Variants in SOX5 observed in about 807,000 individuals in gnomAD.
SOX5 encodes SRY-box transcription factor 5.
SOX5 carries 9 observed loss-of-function variants against 92.0 expected under a neutral mutation model. The ratio of observed to expected loss-of-function variants is 0.10; its 90% CI spans 0.06 to 0.17. The LOEUF (loss-of-function observed/expected upper bound fraction) is 0.17. Ranked by LOEUF, SOX5 falls within the 10% of genes least tolerant of loss-of-function variation. The probability of loss-of-function intolerance (pLI) is 1.00; values close to 1 mark genes in which losing one functional copy is unlikely to be tolerated. For synonymous variants in SOX5, 344 were observed against 336.3 expected, an observed-to-expected ratio of 1.02 and a Z score of -0.25; for missense variants, 642 against 944.5, an observed-to-expected ratio of 0.68 and a Z score of 4.20.
chr12:24,035,499 T>TA (rs1224903579), intron 4 of SOX5, among the ~76,000 whole-genome samples: 1 of 151,958 alleles, frequency 6.6e-6, no homozygotes, highest in African/African-American at 2.4e-5. Context: ...AACAAAGAAA[T>TA]ACAGCAATCA....
In SOX5 at chr12:23,530,091, C is replaced by CAACA. The variant is rs1176305608; in HGVS notation, c.*4124_*4127dup. The CAACA allele has an allele frequency of 2.6e-5, 4 of 152,184 alleles. No individual in the cohort carries two copies. Among genetic ancestry groups the CAACA allele is most frequent in the Admixed American group, 2.0e-4 (3 of 15,270 alleles). 9.4% of individuals were successfully genotyped at this position (152,184 alleles called of 1,614,324 possible). A position where few individuals can be genotyped will look rare whatever the true frequency, so the allele number is the denominator to read the frequency against. On this transcript the variant is annotated 3_prime_UTR_variant, in exon 15 of 15. Coordinates refer to ENST00000451604, the MANE Select transcript of SOX5 (RefSeq NM_006940.6). ...AAATACTGTAAAAGCCTGGCTAAACCAACAGCTATGCCCTACAAGACAAAG... is the reference window on the plus strand; with the variant it reads ...AAATACTGTAAAAGCCTGGCTAAACCAACAAACAGCTATGCCCTACAAGACAAAG...
intron 1 of SOX5, among the ~76,000 whole-genome samples, chr12:24,555,617 C>G (rs1484982535): frequency 6.6e-6 from 1 of 152,010 alleles, no homozygotes; most frequent in Non-Finnish European, 1.5e-5. Context: ...TCTCGTATAA[C>G]CTAATTTAAT....
chr12:23,955,689 A>T (rs1946205643), upstream of SOX5, among the ~76,000 whole-genome samples: 1 of 152,202 alleles, frequency 6.6e-6, no homozygotes. Context: ...GCTTATGAAG[A>T]TGAAAATGAT....
chr12:24,088,522 A>G (rs938578937), intron 4 of SOX5, among the ~76,000 whole-genome samples: 3 of 152,022 alleles, frequency 2.0e-5, no homozygotes, highest in Middle Eastern at 6.3e-3. Context: ...GCACCGAGAG[A>G]AAACACACAT....
At chr12:23,955,900 G>C (rs1385722981), upstream of SOX5, among the ~76,000 whole-genome samples, 1 of 152,140 alleles carries the variant, frequency 6.6e-6, no homozygotes, top group African/African-American at 2.4e-5. Flanking sequence ...TTTACCTAGA[G>C]GTAGCAGCAA....
At chr12:24,493,449 TTGTAA>T (rs779419716) in intron 1 of SOX5, among the ~76,000 whole-genome samples, 21 of 152,328 alleles carry the variant, frequency 1.4e-4, no homozygotes, top group Non-Finnish European at 2.2e-4. Flanking sequence ...GGTTCATTAA[TTGTAA>T]TGTAATTCAT....
At chr12:23,790,540 T>A (rs61925721) in intron 3 of SOX5, among the ~76,000 whole-genome samples, 16 of 106,762 alleles carry the variant, frequency 1.5e-4, no homozygotes, top group South Asian at 2.8e-4. Context: ...TCTCTCTCTC[T>A]CAATCTCTCA....
chr12:23,840,191 T>A lies in SOX5; in HGVS notation c.481+5792A>T, dbSNP rs555165602. 9.8e-4 allele frequency among the ~76,000 whole-genome samples: 149 copies of A among 152,082 alleles called. No homozygotes were observed. The Middle Eastern group carries it at 0.01, about 10-fold the overall frequency. ...TTTCCCATATTTCAGCAACAAACAA[T>A]TGAAATATAAAATTAAAAAGACAAT... On this transcript the variant is annotated intron_variant, in intron 3 of 14. Transcript: ENST00000451604.
intron 8 of SOX5, among the ~76,000 whole-genome samples, chr12:23,609,534 G>T (rs2075695814): frequency 6.6e-6 from 1 of 152,102 alleles, no homozygotes; most frequent in Admixed American, 6.6e-5. Context: ...GAAAAGAAAA[G>T]ACAAACAGAG....
At chr12:24,147,080 C>A (rs1951168885) in intron 4 of SOX5, among the ~76,000 whole-genome samples, 1 of 152,098 alleles carries the variant, frequency 6.6e-6, no homozygotes, top group Non-Finnish European at 1.5e-5. Context: ...AATTTCTACA[C>A]AAATTCTTTC....
chr12:23,911,497 T>G (rs1595578530), intron 1 of SOX5, among the ~76,000 whole-genome samples: 3 of 152,256 alleles, frequency 2.0e-5, no homozygotes, highest in Admixed American at 2.0e-4. Context: ...CTCAAACTTG[T>G]TGTTCGGTTT....
At chr12:23,565,959 C>T (rs1047223954) in intron 10 of SOX5, among the ~76,000 whole-genome samples, 2 of 152,170 alleles carry the variant, frequency 1.3e-5, no homozygotes, top group South Asian at 4.1e-4. Context: ...AGGCTGAACT[C>T]TCACCTTCCT....
At chr12:24,099,886 T>C (rs1389285489) in intron 4 of SOX5, among the ~76,000 whole-genome samples, 1 of 152,146 alleles carries the variant, frequency 6.6e-6, no homozygotes, top group South Asian at 2.1e-4. Context: ...CTGTAAATCT[T>C]GTCTCTTATC....
chr12:24,424,756 G>C (rs1966452679), intron 1 of SOX5, among the ~76,000 whole-genome samples: 1 of 143,180 alleles, frequency 7.0e-6, no homozygotes, highest in Admixed American at 7.2e-5. Flanking sequence ...AATACATTCT[G>C]TTAAATTTCA....
intron 3 of SOX5, among the ~76,000 whole-genome samples, chr12:23,844,723 A>G (rs1425302035): frequency 2.0e-5 from 3 of 152,152 alleles, no homozygotes; most frequent in Non-Finnish European, 4.4e-5. Flanking sequence ...AATAGCTATG[A>G]CTTCAGGTGA....
intron 4 of SOX5, among the ~76,000 whole-genome samples, chr12:24,147,058 G>T (rs957208268): frequency 6.6e-6 from 1 of 151,968 alleles, no homozygotes; most frequent in Non-Finnish European, 1.5e-5. Flanking sequence ...ACTTAAGAAA[G>T]AAAAAAGTAA....
intron 2 of SOX5, among the ~76,000 whole-genome samples, chr12:24,355,395 C>T (rs1954713016): frequency 6.8e-6 from 1 of 147,878 alleles, no homozygotes; most frequent in Non-Finnish European, 1.5e-5. Flanking sequence ...GTAAGCTCCG[C>T]CTCCCAGGTT....
At chr12:24,473,057 C>A (rs1221398009) in intron 1 of SOX5, among the ~76,000 whole-genome samples, 2 of 152,072 alleles carry the variant, frequency 1.3e-5, no homozygotes, top group African/African-American at 2.4e-5. Context: ...TACTCAAAAA[C>A]ATTACTCTTT....
chr12:23,555,752 A>ATGTT (rs1945042393), intron 11 of SOX5, among the ~76,000 whole-genome samples: 1 of 152,142 alleles, frequency 6.6e-6, no homozygotes. Flanking sequence ...ACAAATCAAA[A>ATGTT]TGTTTAATGC....
Sources: gnomAD v4.1 joint callset for allele counts (sites outside exome capture counted in the v4.1 genomes callset) on GRCh38, gnomAD v4.1.1 for gene constraint, MANE v1.5 for transcripts, NCBI Gene and HGNC (gene_info 2026-07-23, HGNC 2026-07-21) for gene names.